Variants in SLC29A2 observed in about 807,000 individuals in gnomAD.
SLC29A2 encodes solute carrier family 29 member 2, also known as equilibrative nucleoside transporter 2.
SLC29A2 carries 37 observed loss-of-function variants against 48.8 expected under a neutral mutation model. The ratio of observed to expected loss-of-function variants is 0.76; its 90% CI spans 0.58 to 1.00. The LOEUF (loss-of-function observed/expected upper bound fraction) is 1.00, where lower values mean the gene tolerates loss of function less well. Ranked by LOEUF, SLC29A2 falls within the 50% of genes least tolerant of loss-of-function variation. The pLI is 0.00. For synonymous variants in SLC29A2, 233 were observed against 261.7 expected (o/e 0.89, Z 1.06); for missense variants, 533 against 578.6 (o/e 0.92, Z 0.81).
In SLC29A2 at chr11:66,363,231, G is replaced by T; in HGVS notation, c.*205C>A. On this transcript the variant is annotated 3_prime_UTR_variant, in exon 12 of 12. Coordinates refer to ENST00000357440, the MANE Select transcript of SLC29A2 (RefSeq NM_001532.3). Reference sequence around the variant, plus strand: ...GTGCGAGTCACCCCCATTCCTGGGTGAGGGTTAGAATGACCGGTGGTGATT... The same window carrying T: ...GTGCGAGTCACCCCCATTCCTGGGTTAGGGTTAGAATGACCGGTGGTGATT... 1 of 614,162 alleles carries T rather than the reference G, an allele frequency of 1.6e-6. No individual in the cohort carries two copies. 38.0% of individuals were successfully genotyped at this position (614,162 alleles called of 1,614,324 possible).
At position 66,367,503 on chromosome 11, in the gene SLC29A2, C is replaced by T. The variant is rs548753844; in HGVS notation, c.694G>A (p.Ala232Thr). ...YLANKSSQAQ[A>T]QELETKAELL... ...TCAGCTTTGGTCTCCAGCTCCTGAGCTTGGGCCTGGGATGATTTATTGGCC... is the reference window on the plus strand; with the variant it reads ...TCAGCTTTGGTCTCCAGCTCCTGAGTTTGGGCCTGGGATGATTTATTGGCC... The change falls in exon 7 of 12, where the codon GCT becomes ACT. Residue 232 changes from alanine to threonine, a missense_variant. Transcript: ENST00000357440. 2.5e-6 allele frequency: 4 copies of T among 1,614,186 alleles called. No homozygotes were observed. The Admixed American group carries it at 5.0e-5, about 20-fold the overall frequency.
Position 66,369,424 on chromosome 11 carries a change from G to T in SLC29A2, c.220C>A (p.Leu74Met). The change falls in exon 3 of 12, where the codon CTG becomes ATG. Residue 74 changes from leucine to methionine, a missense_variant. By Grantham distance (15) the Leu-to-Met change is conservative. Coordinates refer to ENST00000357440, the MANE Select transcript of SLC29A2 (RefSeq NM_001532.3). The part of the protein sequence containing the change: ...AFNFNNWVTL[L>M]SQLPLLLFTL... ...AAGAGCAGCAGGGGCAGCTGGGACA[G>T]CAGCGTCACCCAATTGTTGAAGTTG... The T allele has an allele frequency of 6.2e-7, 1 of 1,614,108 alleles. No homozygotes were observed. Among genetic ancestry groups the T allele is most frequent in the Non-Finnish European group, 8.5e-7 (1 of 1,179,986 alleles).
chr11:66,371,416 C>T, intron 1 of SLC29A2, 91 bp from the exon 2 acceptor site: 1 of 1,519,574 alleles, frequency 6.6e-7, no homozygotes, highest in Admixed American at 1.8e-5. Context: ...GAGCGGACTA[C>T]AACCCCGATC....
chr11:66,365,820 G>C, intron 10 of SLC29A2, 116 bp downstream of exon 10: 1 of 973,344 alleles, frequency 1.0e-6, no homozygotes, highest in South Asian at 1.3e-5. Flanking sequence ...TGCTTGGCCA[G>C]TGGTTGCATT....
chr11:66,367,756 C>G lies in SLC29A2; in HGVS notation c.648+16G>C. On this transcript the variant is annotated intron_variant, in intron 6 of 11. Coordinates refer to ENST00000357440, the MANE Select transcript of SLC29A2 (RefSeq NM_001532.3). ...GATGCTTTGAGGTGGGGCCTCGAGC[C>G]CAACAGCAGGCTCACCAGGTGAGGC... The G allele has an allele frequency of 6.2e-7, 1 of 1,611,868 alleles. No individual in the cohort carries two copies. Among genetic ancestry groups the G allele is most frequent in the Non-Finnish European group, 8.5e-7 (1 of 1,177,942 alleles).
intron 11 of SLC29A2, 185 bp from the exon 12 acceptor site, chr11:66,363,732 G>A: frequency 8.0e-6 from 5 of 627,254 alleles, no homozygotes; most frequent in Non-Finnish European, 1.4e-5. Context: ...ATGTCTCTCA[G>A]GGCCTCTGAG....
At chr11:66,363,575 A>G (rs1037727570) in intron 11 of SLC29A2, 28 bp from the exon 12 acceptor site, 2 of 1,557,002 alleles carry the variant, frequency 1.3e-6, no homozygotes, top group African/African-American at 2.7e-5. Flanking sequence ...AGGAGCTCTT[A>G]GAAAATGCTG....
chr11:66,367,656 G>C, intron 6 of SLC29A2, 108 bp from the exon 7 acceptor site: 3 of 1,469,792 alleles, frequency 2.0e-6, no homozygotes, highest in Non-Finnish European at 2.9e-6. Flanking sequence ...TCTTCTCTGG[G>C]GGTCAGGGCT....
Position 66,367,779 on chromosome 11 carries a change from G to A in SLC29A2, c.641C>T (p.Pro214Leu). 1 of 1,613,988 alleles carries A rather than the reference G, an allele frequency of 6.2e-7. No homozygotes were observed. Among genetic ancestry groups the A allele is most frequent in the Non-Finnish European group, 8.5e-7 (1 of 1,179,832 alleles). Residue 214 changes from proline to leucine, a missense_variant, in exon 6 of 12, where the codon CCT becomes CTT. Coordinates refer to ENST00000357440, the MANE Select transcript of SLC29A2 (RefSeq NM_001532.3). ...GCCCAACAGCAGGCTCACCAGGTGA[G>A]GCAGGCTCAGGTAACACACGATGGA... ...LMSIVCYLSL[P>L]HLKFARYYLA...
rs368807390 is a variant in SLC29A2, at chr11:66,371,566, T to A, written c.26A>T (p.Asp9Val). The A allele has an allele frequency of 6.5e-7, 1 of 1,550,386 alleles. No individual in the cohort carries two copies. Among genetic ancestry groups the A allele is most frequent in the Admixed American group, 1.9e-5 (1 of 51,362 alleles). MARGDAPR[D>V]SYHLVGISFF... is the part of the protein sequence containing the mutation. ...CAACGCACCCGGGCCCACTCACCTG[T>A]CCCGCGGGGCGTCTCCTCGCGCCAT... The change falls in exon 1 of 12, where the codon GAC becomes GTC. Residue 9 changes from aspartate to valine, a missense_variant. Coordinates refer to ENST00000357440, the MANE Select transcript of SLC29A2 (RefSeq NM_001532.3).
chr11:66,369,295 G>A (rs112826879), intron 3 of SLC29A2, 74 bp downstream of exon 3: 1 of 1,603,876 alleles, frequency 6.2e-7, no homozygotes, highest in Non-Finnish European at 8.5e-7. Flanking sequence ...AGGGCTGGGG[G>A]GCAGGGGGCG....
In SLC29A2 at chr11:66,367,798, C is replaced by G. The variant is rs150459418; in HGVS notation, c.622G>C (p.Val208Leu). Reference sequence around the variant, plus strand: ...AGGTGAGGCAGGCTCAGGTAACACACGATGGACATGAGGATGCCCACACAG... The same window carrying G: ...AGGTGAGGCAGGCTCAGGTAACACAGGATGGACATGAGGATGCCCACACAG... ...TPCVGILMSI[V>L]CYLSLPHLKF... The change falls in exon 6 of 12, where the codon GTG (valine) becomes CTG (leucine). Residue 208 changes from valine (V) to leucine (L), a missense_variant. Transcript: ENST00000357440. 1.5e-4 allele frequency: 243 copies of G among 1,614,172 alleles called. No individual in the cohort carries two copies. In the Middle Eastern group the frequency reaches 2.8e-3, roughly 19 times the overall value.
Position 66,364,391 on chromosome 11 carries a change from CCAG to C in SLC29A2, c.1090_1092del (p.Leu364del). ...GGCACGAACAGGAACCGCAGGCAGA[CCAG>C]CAGGGGCAGCAGCCGGCTGTCCTCG... On this transcript the variant is annotated inframe_deletion, in exon 11 of 12. Transcript: ENST00000357440. The C allele has an allele frequency of 6.2e-7, 1 of 1,613,722 alleles. No individual in the cohort carries two copies. Among genetic ancestry groups the C allele is most frequent in the Non-Finnish European group, 8.5e-7 (1 of 1,179,910 alleles).
At chr11:66,368,986 G>C in intron 4 of SLC29A2, 74 bp downstream of exon 4, 2 of 1,521,544 alleles carry the variant, frequency 1.3e-6, no homozygotes, top group South Asian at 2.4e-5. Flanking sequence ...TCTCGGATAT[G>C]CTGGGCCCTT....
rs779608102 is a variant in SLC29A2, at chr11:66,364,261, C to G, written c.1223G>C (p.Gly408Ala). 1.3e-5 allele frequency: 21 copies of G among 1,613,488 alleles called. No individual in the cohort carries two copies. The highest frequency in any genetic ancestry group is 1.8e-5 in the Non-Finnish European group (21 of 1,179,886). ...TFMLLFAVSN[G>A]YLVSLTMCLA... The stretch of plus-strand genomic sequence containing the variant: ...GCACATGGTGAGGGACACCAGGTAG[C>G]CATTAGAAACGGCAAAGAGCAGCAT... The change falls in exon 11 of 12, where the codon GGC (glycine) becomes GCC (alanine). Residue 408 changes from glycine (G) to alanine (A), a missense_variant. By Grantham distance (60) the Gly-to-Ala change is moderately conservative (BLOSUM62 0). Transcript: ENST00000357440.
chr11:66,369,124 G>C lies in SLC29A2; in HGVS notation c.351C>G (p.Val117=). 6.3e-7 allele frequency: 1 copy of C among 1,590,610 alleles called. No individual in the cohort carries two copies. The highest frequency in any genetic ancestry group is 8.6e-7 in the Non-Finnish European group (1 of 1,168,772). Residue 117 remains valine, a synonymous_variant, in exon 4 of 12, where the codon GTC becomes GTG. Coordinates refer to ENST00000357440, the MANE Select transcript of SLC29A2 (RefSeq NM_001532.3). The stretch of plus-strand genomic sequence containing the variant: ...AGGGTCCGGGGCTCATGTCCACCTT[G>C]ACCAGCGCTGCTGTCAGGGCAAAGA... The part of the protein sequence containing the change: ...LLLFALTAAL[V]KVDMSPGPFF...
chr11:66,366,329 C>A (rs994515655), intron 8 of SLC29A2, 98 bp from the exon 9 acceptor site: 9 of 1,602,604 alleles, frequency 5.6e-6, no homozygotes, highest in Admixed American at 3.3e-5. Context: ...TGGGGCCTGG[C>A]CCAGCTGTGT....
intron 7 of SLC29A2, among the ~76,000 whole-genome samples, chr11:66,366,766 A>G (rs1855723202): frequency 1.3e-5 from 2 of 152,136 alleles, no homozygotes; most frequent in Admixed American, 6.5e-5. Flanking sequence ...CCTGGGCAAC[A>G]TGGTGAATCC....
At chr11:66,369,338 G>GAGGGC in intron 3 of SLC29A2, 31 bp downstream of exon 3, 2 of 1,613,602 alleles carry the variant, frequency 1.2e-6, no homozygotes. Flanking sequence ...TGCCTCGGCA[G>GAGGGC]AGGGCGCAGG....
Sources: allele counts gnomAD v4.1 joint callset (sites outside exome capture counted in the v4.1 genomes callset), GRCh38; gene constraint gnomAD v4.1.1; transcripts MANE v1.5; gene names NCBI Gene and HGNC (gene_info 2026-07-23, HGNC 2026-07-21).